The following PLXNC1 variants were observed in gnomAD, a reference collection of about 807,000 sequenced individuals.
PLXNC1 encodes plexin C1.
In PLXNC1, 75 loss-of-function variants were observed where a neutral mutation model predicts 178.2. The ratio of observed to expected loss-of-function variants is 0.42; its 90% CI spans 0.35 to 0.51. PLXNC1 has a LOEUF of 0.51. PLXNC1 is among the 20% of genes least tolerant of loss of function. The probability of loss-of-function intolerance (pLI) is 0.02; values close to 1 mark genes in which losing one functional copy is unlikely to be tolerated. For missense variants in PLXNC1, 1,503 were observed against 1,984.4 expected (o/e 0.76, Z 4.61); for synonymous variants, 790 against 779.9 (o/e 1.01, Z -0.22).
Position 94,248,264 on chromosome 12 carries a change from T to C in PLXNC1, c.2630T>C (p.Ile877Thr), listed in dbSNP as rs1964587727. The change falls in exon 14 of 31, where the codon ATT (isoleucine) becomes ACT (threonine). Residue 877 changes from isoleucine (I) to threonine (T), a missense_variant. Coordinates refer to ENST00000258526, the MANE Select transcript of PLXNC1 (RefSeq NM_005761.3). Reference sequence around the variant, plus strand: ...AACTTCAACATTTCCAAAAAAGACATTGAAATTACTCTCTTCCATGGGGAA... The same window carrying C: ...AACTTCAACATTTCCAAAAAAGACACTGAAATTACTCTCTTCCATGGGGAA... ...NDNFNISKKD[I>T]EITLFHGENG... The C allele has an allele frequency of 2.5e-6, 4 of 1,609,692 alleles. No homozygotes were observed. Among genetic ancestry groups the C allele is most frequent in the Admixed American group, 1.7e-5 (1 of 58,990 alleles).
chr12:94,174,066 G>A (rs550933195), intron 2 of PLXNC1, among the ~76,000 whole-genome samples: 1 of 152,330 alleles, frequency 6.6e-6, no homozygotes, highest in East Asian at 1.9e-4. Flanking sequence ...GATACAGGAA[G>A]CTATATCACA....
intron 4 of PLXNC1, among the ~76,000 whole-genome samples, chr12:94,193,949 T>C (rs1252928988): frequency 6.6e-5 from 10 of 152,178 alleles, no homozygotes; most frequent in African/African-American, 2.4e-4. Context: ...TGCACTGCTA[T>C]AATGAAATAC....
chr12:94,236,595 T>C (rs7965405), intron 9 of PLXNC1, among the ~76,000 whole-genome samples: 59,550 of 152,034 alleles, frequency 0.39, 13,304 homozygotes, highest in African/African-American at 0.62. Context: ...ATCTCTGGAC[T>C]TTGGGGTCAT....
Position 94,298,664 on chromosome 12 carries a change from T to C in PLXNC1, c.4107T>C (p.Phe1369=). The C allele has an allele frequency of 1.9e-6, 3 of 1,603,026 alleles. No homozygotes were observed. The highest frequency in any genetic ancestry group is 1.7e-6 in the Non-Finnish European group (2 of 1,177,108). Residue 1369 remains phenylalanine, a synonymous_variant, in exon 27 of 31, where the codon TTT becomes TTC. Coordinates refer to ENST00000258526, the MANE Select transcript of PLXNC1 (RefSeq NM_005761.3). Reference sequence around the variant, plus strand: ...TTCATTCTGTGCTTGAAAAACTTTTTAGAAGCATTTGGAGTTTACCCAACA... The same window carrying C: ...TTCATTCTGTGCTTGAAAAACTTTTCAGAAGCATTTGGAGTTTACCCAACA... ...VAIHSVLEKL[F]RSIWSLPNSR... is the part of the protein sequence containing the mutation.
At chr12:94,151,929 G>A (rs954902748) in intron 1 of PLXNC1, among the ~76,000 whole-genome samples, 1 of 152,160 alleles carries the variant, frequency 6.6e-6, no homozygotes, top group Non-Finnish European at 1.5e-5. Context: ...GAGCTTCTGC[G>A]AGAGAGCTGC....
intron 21 of PLXNC1, among the ~76,000 whole-genome samples, chr12:94,268,673 C>T (rs1056258109): frequency 3.4e-5 from 5 of 145,312 alleles, no homozygotes; most frequent in Non-Finnish European, 5.9e-5. Flanking sequence ...TGGCTCACTG[C>T]AACCTCCGCC....
chr12:94,289,866 C>T (rs909421870), intron 23 of PLXNC1, among the ~76,000 whole-genome samples: 7 of 152,166 alleles, frequency 4.6e-5, no homozygotes, highest in Admixed American at 6.5e-5. Flanking sequence ...ACACACACAA[C>T]TCATCCACTA....
In PLXNC1 at chr12:94,169,055, C is replaced by T. The variant is rs1249112292; in HGVS notation, c.1063-98C>T. 4 of 1,108,718 alleles carry T rather than the reference C, an allele frequency of 3.6e-6. No homozygotes were observed. The African/African-American group carries it at 6.3e-5, about 17-fold the overall frequency. 68.7% of individuals were successfully genotyped at this position (1,108,718 alleles called of 1,614,324 possible). A position where few individuals can be genotyped will look rare whatever the true frequency, so the allele number is the denominator to read the frequency against. On this transcript the variant is annotated intron_variant, in intron 1 of 30. Coordinates refer to ENST00000258526, the MANE Select transcript of PLXNC1 (RefSeq NM_005761.3). Reference sequence around the variant, plus strand: ...ATATGTGGGGCCCAGAAGTGAGATCCTGCCTAGGAGGGCATGAGTGACATT... The same window carrying T: ...ATATGTGGGGCCCAGAAGTGAGATCTTGCCTAGGAGGGCATGAGTGACATT...
chr12:94,213,845 G>T (rs1313567951), intron 5 of PLXNC1, among the ~76,000 whole-genome samples: 1 of 151,758 alleles, frequency 6.6e-6, no homozygotes, highest in African/African-American at 2.4e-5. Flanking sequence ...GTGTAAGGAA[G>T]GGATCCAGTT....
Position 94,182,885 on chromosome 12 carries a change from A to ATCTATCTG in PLXNC1, c.1338+1312_1338+1313insGTCTATCT, listed in dbSNP as rs1962371209. Among the ~76,000 whole-genome samples, 3 of 150,740 alleles carry ATCTATCTG rather than the reference A, an allele frequency of 2.0e-5. 1 individual carries two copies. Among genetic ancestry groups the ATCTATCTG allele is most frequent in the African/African-American group, 7.4e-5 (3 of 40,338 alleles). On this transcript the variant is annotated intron_variant, in intron 3 of 30. Coordinates refer to ENST00000258526, the MANE Select transcript of PLXNC1 (RefSeq NM_005761.3). ...TATCTATCTATCTATCTATCTATCT[A>ATCTATCTG]TCTATCTATCTATCTATCTATCATC...
At chr12:94,301,593 C>G (rs1025590296) in intron 28 of PLXNC1, among the ~76,000 whole-genome samples, 67 of 152,088 alleles carry the variant, frequency 4.4e-4, no homozygotes, top group African/African-American at 1.5e-3. Context: ...GAGCAAACTT[C>G]GAAAGAGATG....
intron 5 of PLXNC1, among the ~76,000 whole-genome samples, chr12:94,217,872 A>C (rs1963688980): frequency 6.6e-6 from 1 of 152,212 alleles, no homozygotes; most frequent in Non-Finnish European, 1.5e-5. Flanking sequence ...TGGTATATTC[A>C]GTACATTGTG....
intron 5 of PLXNC1, among the ~76,000 whole-genome samples, chr12:94,218,709 AC>A (rs1440390144): frequency 1.3e-5 from 2 of 152,094 alleles, no homozygotes; most frequent in East Asian, 3.9e-4. Context: ...ACACACACAC[AC>A]ACACACGTAC....
chr12:94,255,063 A>AC, intron 16 of PLXNC1, 130 bp from the exon 17 acceptor site: 1 of 922,892 alleles, frequency 1.1e-6, no homozygotes, highest in Non-Finnish European at 1.7e-6. Flanking sequence ...CTCTGCAGCC[A>AC]ACCAAGTCAT....
At chr12:94,268,020 T>C (rs1199397757) in intron 21 of PLXNC1, among the ~76,000 whole-genome samples, 1 of 152,162 alleles carries the variant, frequency 6.6e-6, no homozygotes, top group East Asian at 1.9e-4. Flanking sequence ...TGGGGGCAGA[T>C]TCTTTCAAGG....
At chr12:94,163,093 C>T (rs371711670) in intron 1 of PLXNC1, among the ~76,000 whole-genome samples, 74 of 152,150 alleles carry the variant, frequency 4.9e-4, no homozygotes, top group African/African-American at 1.5e-3. Context: ...GGGCCAGGTG[C>T]GGTGGCTCAC....
At position 94,149,595 on chromosome 12, in the gene PLXNC1, G is replaced by T; in HGVS notation, c.624G>T (p.Lys208Asn). The T allele has an allele frequency of 6.3e-7, 1 of 1,575,428 alleles. No homozygotes were observed. ...ACCACGACACGGCCATCGCGCTCAA[G>T]GACACGGAGGGGCGCAGCCTGGCCA... is the stretch of plus-strand genomic sequence containing the variant. ...ASDHDTAIAL[K>N]DTEGRSLATQ... The change falls in exon 1 of 31, where the codon AAG becomes AAT. Residue 208 changes from lysine to asparagine, a missense_variant. Coordinates refer to ENST00000258526, the MANE Select transcript of PLXNC1 (RefSeq NM_005761.3).
intron 21 of PLXNC1, among the ~76,000 whole-genome samples, chr12:94,276,159 T>C (rs965231833): frequency 1.4e-4 from 22 of 152,252 alleles, no homozygotes; most frequent in African/African-American, 5.3e-4. Context: ...AATAGAATGC[T>C]GTTTCACAAA....
chr12:94,179,719 C>T (rs1007455804), intron 2 of PLXNC1, among the ~76,000 whole-genome samples: 1 of 128,782 alleles, frequency 7.8e-6, no homozygotes, highest in Non-Finnish European at 1.6e-5. Context: ...CCAGTCTGGG[C>T]GACTGAGTAA....
Sources: allele counts gnomAD v4.1 joint callset (sites outside exome capture counted in the v4.1 genomes callset), GRCh38; gene constraint gnomAD v4.1.1; transcripts MANE v1.5; gene names NCBI Gene and HGNC (gene_info 2026-07-23, HGNC 2026-07-21).